Variants in PPP6R2 observed in about 807,000 individuals in gnomAD.
PPP6R2 encodes serine/threonine-protein phosphatase 6 regulatory subunit 2.
In PPP6R2, 62 loss-of-function variants were observed where a neutral mutation model predicts 100.2. The ratio of observed to expected loss-of-function variants is 0.62; its 90% confidence interval spans 0.50 to 0.76. The LOEUF (loss-of-function observed/expected upper bound fraction) is 0.76. PPP6R2 is among the 30% of genes least tolerant of loss of function. The pLI is 0.00. For synonymous variants in PPP6R2, 525 were observed against 514.7 expected (o/e 1.02, Z -0.27); for missense variants, 1,142 against 1,276.3 (o/e 0.89, Z 1.60).
intron 3 of PPP6R2, among the ~76,000 whole-genome samples, chr22:50,402,121 CT>C (rs2058148550): frequency 6.6e-6 from 1 of 151,958 alleles, no homozygotes; most frequent in Non-Finnish European, 1.5e-5. Context: ...CAGCACCACG[CT>C]TCTTTCATAA....
At chr22:50,363,718 C>A (rs1167167270) in intron 1 of PPP6R2, among the ~76,000 whole-genome samples, 2 of 152,172 alleles carry the variant, frequency 1.3e-5, no homozygotes, top group East Asian at 3.9e-4. Context: ...CTGGGCTCAT[C>A]TGACCATTCA....
chr22:50,349,195 C>CAAAA (rs892504600), intron 1 of PPP6R2, among the ~76,000 whole-genome samples: 2 of 61,656 alleles, frequency 3.2e-5, no homozygotes, highest in Non-Finnish European at 3.1e-5. Context: ...GACTTCCTCT[C>CAAAA]AAAAAAAAAA....
chr22:50,390,871 C>T lies in PPP6R2; in HGVS notation c.-16-3022C>T, dbSNP rs369150479. On this transcript the variant is annotated intron_variant, in intron 2 of 23. Coordinates refer to ENST00000612753, the MANE Select transcript of PPP6R2 (RefSeq NM_001242898.2). The stretch of plus-strand genomic sequence containing the variant: ...AAAATTAGCTGGGCGTGGTGGCACA[C>T]GCCTGTAATCCCAGCTACTCAGGAG... Among the ~76,000 whole-genome samples the T allele has an allele frequency of 1.2e-3, 188 of 150,816 alleles. 2 individuals carry two copies. The South Asian group carries it at 0.013, about 11-fold the overall frequency.
chr22:50,439,297 G>A (rs1311838317), intron 19 of PPP6R2, among the ~76,000 whole-genome samples: 2 of 152,164 alleles, frequency 1.3e-5, no homozygotes, highest in African/African-American at 4.8e-5. Context: ...TGGGGAAGCA[G>A]GAACATCCCA....
intron 1 of PPP6R2, among the ~76,000 whole-genome samples, chr22:50,364,578 C>T (rs535215847): frequency 6.6e-6 from 1 of 152,236 alleles, no homozygotes; most frequent in East Asian, 1.9e-4. Flanking sequence ...TTATAATTCT[C>T]TGAAAGATAT....
chr22:50,422,520 C>A (rs1331082703), intron 9 of PPP6R2, 140 bp downstream of exon 9: 12 of 1,179,614 alleles, frequency 1.0e-5, no homozygotes, highest in Non-Finnish European at 1.4e-5. Flanking sequence ...TCCCACACCC[C>A]CACTTGAGAA....
At chr22:50,441,110 A>G (rs2065485083) in intron 22 of PPP6R2, 84 bp downstream of exon 22, 1 of 1,201,774 alleles carries the variant, frequency 8.3e-7, no homozygotes, top group Non-Finnish European at 1.1e-6. Flanking sequence ...AGCTCCCCTG[A>G]GAGGAGGTGA....
upstream of PPP6R2, among the ~76,000 whole-genome samples, chr22:50,339,020 T>TATAGG (rs2042337293): frequency 7.7e-6 from 1 of 129,876 alleles, no homozygotes; most frequent in Admixed American, 7.6e-5. Flanking sequence ...GTGTGGTGTG[T>TATAGG]GTGTGTGGTG....
intron 2 of PPP6R2, among the ~76,000 whole-genome samples, chr22:50,382,534 A>AT (rs986422613): frequency 4.6e-5 from 7 of 150,860 alleles, no homozygotes; most frequent in African/African-American, 1.7e-4. Flanking sequence ...AAAAAAAAAA[A>AT]TTCAAACAAA....
rs188696873 is a variant in PPP6R2 at position 50,370,592 on chromosome 22, A to G, written c.-147-1428A>G. ...GTGAGCCACCACGCCTGGCCACGCTATGTTTTAAAGAAAAAAGTTTAAAAG... is the reference window on the plus strand; with the variant it reads ...GTGAGCCACCACGCCTGGCCACGCTGTGTTTTAAAGAAAAAAGTTTAAAAG... On this transcript the variant is annotated intron_variant, in intron 1 of 23. Coordinates refer to ENST00000612753, the MANE Select transcript of PPP6R2 (RefSeq NM_001242898.2). Among the ~76,000 whole-genome samples, 37 of 149,772 alleles carry G rather than the reference A, an allele frequency of 2.5e-4. No homozygotes were observed. In the East Asian group the frequency reaches 4.7e-3, roughly 19 times the overall value.
intron 4 of PPP6R2, among the ~76,000 whole-genome samples, chr22:50,408,869 C>T (rs2059354575): frequency 6.6e-6 from 1 of 152,246 alleles, no homozygotes; most frequent in African/African-American, 2.4e-5. Flanking sequence ...AATCCCAGCA[C>T]TTTGGGAGGC....
In PPP6R2 at chr22:50,431,030, T is replaced by A. The variant is rs543171603; in HGVS notation, c.1126-143T>A. On this transcript the variant is annotated intron_variant, in intron 10 of 23. Transcript: ENST00000612753. The surrounding 1 kb of genome is among the most constrained non-coding windows in gnomAD (Gnocchi z 4.8). ...AGAGAGATGACCCTCAGGAAAACGC[T>A]TAAAACTCCTTCCTAGCTACCCAGA... 1 of 708,294 alleles carries A rather than the reference T, an allele frequency of 1.4e-6. No homozygotes were observed. Among genetic ancestry groups the A allele is most frequent in the South Asian group, 1.7e-5 (1 of 57,954 alleles). 43.9% of individuals were successfully genotyped at this position (708,294 alleles called of 1,614,324 possible). A position where few individuals can be genotyped will look rare whatever the true frequency, so the allele number is the denominator to read the frequency against.
chr22:50,442,661 T>C (rs1603426112), intron 22 of PPP6R2, among the ~76,000 whole-genome samples: 1 of 152,236 alleles, frequency 6.6e-6, no homozygotes, highest in East Asian at 1.9e-4. Flanking sequence ...GCCATTCTCC[T>C]GCCTCAGTCT....
chr22:50,331,174 A>AT, the PPP6R2 span, among the ~76,000 whole-genome samples: 1 of 151,950 alleles, frequency 6.6e-6, no homozygotes, highest in African/African-American at 2.4e-5. Context: ...CGTGAATAGT[A>AT]TTTTATATGA....
At chr22:50,407,236 A>G (rs903166409) in intron 4 of PPP6R2, among the ~76,000 whole-genome samples, 9 of 151,362 alleles carry the variant, frequency 5.9e-5, no homozygotes, top group African/African-American at 2.2e-4. Context: ...CATCCCAGCT[A>G]CTTGGGAGGC....
Position 50,435,010 on chromosome 22 carries a change from G to C in PPP6R2, c.1445G>C (p.Arg482Pro), listed in dbSNP as rs1036431054. ...MRRGNMGHLT[R>P]IANAVVQNLE... ...CGTGGGAACATGGGCCACCTCACAC[G>C]GATCGCCAACGCGGTGGTGCAGAAC... is the stretch of plus-strand genomic sequence containing the variant. Residue 482 changes from arginine (R) to proline (P), a missense_variant, in exon 13 of 24, where the codon CGG (arginine) becomes CCG (proline). Arg to Pro is a moderately radical substitution (Grantham distance 103, BLOSUM62 -2). Transcript: ENST00000612753. The C allele has an allele frequency of 6.2e-7, 1 of 1,605,390 alleles. No individual in the cohort carries two copies. The highest frequency in any genetic ancestry group is 8.5e-7 in the Non-Finnish European group (1 of 1,176,286).
chr22:50,380,130 G>A (rs1301765606), intron 2 of PPP6R2, among the ~76,000 whole-genome samples: 3 of 152,078 alleles, frequency 2.0e-5, no homozygotes, highest in African/African-American at 7.2e-5. Flanking sequence ...GGCTGCTTCC[G>A]CTCATGGCAA....
At chr22:50,414,952 G>A (rs2060318663) in intron 5 of PPP6R2, among the ~76,000 whole-genome samples, 4 of 152,332 alleles carry the variant, frequency 2.6e-5, no homozygotes, top group East Asian at 1.9e-4. Flanking sequence ...TGAAGAGGCC[G>A]AAATGGACTT....
At chr22:50,358,117 A>T (rs201754870) in intron 1 of PPP6R2, among the ~76,000 whole-genome samples, 26 of 140,054 alleles carry the variant, frequency 1.9e-4, no homozygotes, top group Middle Eastern at 3.8e-3. Context: ...TGGATAATTT[A>T]AAAAAAAAAA....
Sources: allele counts gnomAD v4.1 joint callset (sites outside exome capture counted in the v4.1 genomes callset), GRCh38; gene constraint gnomAD v4.1.1; non-coding constraint Gnocchi (gnomAD v3.1); transcripts MANE v1.5; gene names NCBI Gene and HGNC (gene_info 2026-07-23, HGNC 2026-07-21).